HS6ST3: variants seen among roughly 807,000 people sequenced by gnomAD.
HS6ST3 encodes heparan-sulfate 6-O-sulfotransferase 3.
A neutral mutation model predicts 36.7 loss-of-function variants in HS6ST3; 12 were observed. That is an observed-to-expected ratio of 0.33 (90% CI 0.21 to 0.53). The LOEUF is 0.53. Ranked by LOEUF, HS6ST3 falls within the 20% of genes least tolerant of loss-of-function variation. The pLI is 0.95. For synonymous variants in HS6ST3, 240 were observed against 257.5 expected, an observed-to-expected ratio of 0.93 and a Z score of 0.65; for missense variants, 584 against 640.9, an observed-to-expected ratio of 0.91 and a Z score of 0.96.
intron 1 of HS6ST3, among the ~76,000 whole-genome samples, chr13:96,142,352 G>T (rs1468863962): frequency 6.6e-6 from 1 of 151,782 alleles, no homozygotes; most frequent in Non-Finnish European, 1.5e-5. Flanking sequence ...TGTATTTTTT[G>T]GATAAGTCAT....
chr13:96,162,220 T>G (rs1273930431), intron 1 of HS6ST3, among the ~76,000 whole-genome samples: 1 of 152,134 alleles, frequency 6.6e-6, no homozygotes, highest in African/African-American at 2.4e-5. Context: ...GTAGACGGAT[T>G]CATAAGCTCC....
intron 1 of HS6ST3, among the ~76,000 whole-genome samples, chr13:96,680,526 C>T (rs575418981): frequency 6.6e-6 from 1 of 152,222 alleles, no homozygotes; most frequent in East Asian, 1.9e-4. Flanking sequence ...GGGAAGAGGA[C>T]ACTTTCATCA....
At chr13:96,763,226 T>C (rs933685165) in intron 1 of HS6ST3, among the ~76,000 whole-genome samples, 2 of 150,858 alleles carry the variant, frequency 1.3e-5, no homozygotes, top group Non-Finnish European at 3.0e-5. Flanking sequence ...AGTATATATA[T>C]GAATATTTAA....
Position 96,834,203 on chromosome 13 carries a change from AG to A in HS6ST3, c.*1006del, listed in dbSNP as rs1454678236. The stretch of plus-strand genomic sequence containing the variant: ...CCACAGAAAGAAAGATGTTTTTAAA[AG>A]CTTGGCCCAAAGAATAGGAACTTAG... On this transcript the variant is annotated 3_prime_UTR_variant, in exon 2 of 2. Coordinates refer to ENST00000376705, the MANE Select transcript of HS6ST3 (RefSeq NM_153456.4). 6.6e-6 allele frequency: 1 copy of A among 152,208 alleles called. No homozygotes were observed. The highest frequency in any genetic ancestry group is 2.4e-5 in the African/African-American group (1 of 41,444). 9.4% of individuals were successfully genotyped at this position (152,208 alleles called of 1,614,324 possible).
intron 1 of HS6ST3, among the ~76,000 whole-genome samples, chr13:96,277,398 C>T (rs1198607869): frequency 1.3e-5 from 2 of 152,106 alleles, no homozygotes; most frequent in Non-Finnish European, 2.9e-5. Context: ...AATGTGGAGA[C>T]CTAGCAGGTG....
intron 1 of HS6ST3, among the ~76,000 whole-genome samples, chr13:96,352,196 C>T (rs1260206653): frequency 6.6e-6 from 1 of 152,118 alleles, no homozygotes; most frequent in Non-Finnish European, 1.5e-5. Flanking sequence ...AACAAATTAA[C>T]CCAAATTCGA....
intron 1 of HS6ST3, among the ~76,000 whole-genome samples, chr13:96,378,654 A>G (rs2055326076): frequency 2.0e-5 from 3 of 152,188 alleles, no homozygotes; most frequent in African/African-American, 7.2e-5. Flanking sequence ...CTGAGGGTCA[A>G]GTGGGGCTCA....
chr13:96,558,540 A>G (rs1019813133), intron 1 of HS6ST3, among the ~76,000 whole-genome samples: 2 of 152,234 alleles, frequency 1.3e-5, no homozygotes, highest in Non-Finnish European at 1.5e-5. Flanking sequence ...GCATGTAATA[A>G]TGTTCTGAAG....
chr13:96,561,577 A>G (rs1467258115), intron 1 of HS6ST3, among the ~76,000 whole-genome samples: 1 of 152,202 alleles, frequency 6.6e-6, no homozygotes, highest in Non-Finnish European at 1.5e-5. Context: ...AGCAAAAGAA[A>G]TTATCAACAG....
intron 1 of HS6ST3, among the ~76,000 whole-genome samples, chr13:96,533,008 G>A (rs933024950): frequency 6.6e-6 from 1 of 152,140 alleles, no homozygotes; most frequent in Non-Finnish European, 1.5e-5. Context: ...TGGTTTGCAC[G>A]CAGCATTTCT....
At chr13:96,756,007 G>A (rs980950059) in intron 1 of HS6ST3, among the ~76,000 whole-genome samples, 1 of 152,104 alleles carries the variant, frequency 6.6e-6, no homozygotes, top group African/African-American at 2.4e-5. Flanking sequence ...GTCTTTAGTT[G>A]TAGCCATTGT....
chr13:96,721,746 G>A (rs975195614), intron 1 of HS6ST3, among the ~76,000 whole-genome samples: 6 of 152,128 alleles, frequency 3.9e-5, no homozygotes, highest in African/African-American at 1.2e-4. Context: ...TGCATTGGCC[G>A]TATATTACAT....
intron 1 of HS6ST3, among the ~76,000 whole-genome samples, chr13:96,331,834 C>G (rs921665661): frequency 1.3e-5 from 2 of 152,260 alleles, no homozygotes; most frequent in South Asian, 2.1e-4. Context: ...ATCAGCGAGA[C>G]TCCGTGGGCG....
intron 1 of HS6ST3, among the ~76,000 whole-genome samples, chr13:96,127,213 A>G (rs1292011536): frequency 3.9e-5 from 6 of 152,130 alleles, no homozygotes; most frequent in Non-Finnish European, 5.9e-5. Flanking sequence ...GCTAATTCCA[A>G]TGGATACTTG....
intron 1 of HS6ST3, among the ~76,000 whole-genome samples, chr13:96,364,725 T>C (rs529395815): frequency 6.6e-6 from 1 of 152,282 alleles, no homozygotes; most frequent in Admixed American, 6.5e-5. Flanking sequence ...TTAATGCCAC[T>C]GAAGTGTACG....
intron 1 of HS6ST3, among the ~76,000 whole-genome samples, chr13:96,336,301 C>T (rs1023250415): frequency 1.3e-5 from 2 of 152,172 alleles, no homozygotes; most frequent in Non-Finnish European, 2.9e-5. Context: ...CTATTTGCCT[C>T]TGTGTTTCTA....
Position 96,090,900 on chromosome 13 carries a change from T to C in HS6ST3, c.38T>C (p.Val13Ala). The change falls in exon 1 of 2, where the codon GTG (valine) becomes GCG (alanine). Residue 13 changes from valine to alanine, a missense_variant. Coordinates refer to ENST00000376705, the MANE Select transcript of HS6ST3 (RefSeq NM_153456.4). ...ERFNKWLLTPVLTLLFVVIMY... is the reference protein window; with the variant it reads ...ERFNKWLLTPALTLLFVVIMY... ...TTCAACAAGTGGCTGCTGACGCCGG[T>C]GCTCACTCTCCTCTTCGTGGTCATC... 6.6e-7 allele frequency: 1 copy of C among 1,514,028 alleles called. No homozygotes were observed. The highest frequency in any genetic ancestry group is 1.2e-5 in the South Asian group (1 of 83,770). The allele number at this position is 1,514,028 out of a possible 1,614,324, so 93.8% of individuals were successfully genotyped here.
chr13:96,611,877 A>T (rs2056458172), intron 1 of HS6ST3, among the ~76,000 whole-genome samples: 1 of 152,190 alleles, frequency 6.6e-6, no homozygotes, highest in South Asian at 2.1e-4. Flanking sequence ...AACTGGACAA[A>T]GTAAGCAGGG....
At chr13:96,212,989 G>A (rs1321594957) in intron 1 of HS6ST3, among the ~76,000 whole-genome samples, 4 of 152,194 alleles carry the variant, frequency 2.6e-5, no homozygotes, top group African/African-American at 9.7e-5. Flanking sequence ...AAAGCAGATG[G>A]TATGATAGGA....
Sources: allele counts gnomAD v4.1 joint callset (sites outside exome capture counted in the v4.1 genomes callset), GRCh38; gene constraint gnomAD v4.1.1; transcripts MANE v1.5; gene names NCBI Gene and HGNC (gene_info 2026-07-23, HGNC 2026-07-21).